PLEKHA8: variants seen among roughly 807,000 people sequenced by gnomAD.
PLEKHA8 encodes pleckstrin homology domain-containing family A member 8.
A neutral mutation model predicts 68.2 loss-of-function variants in PLEKHA8; 36 were observed. That is an observed-to-expected ratio of 0.53 (90% CI 0.40 to 0.70). PLEKHA8 has a LOEUF of 0.70. Ranked by LOEUF, PLEKHA8 falls within the 30% of genes least tolerant of loss-of-function variation. PLEKHA8 has a pLI of 0.00. For missense variants in PLEKHA8, 505 were observed against 615.4 expected (o/e 0.82, Z 1.90); for synonymous variants, 211 against 216.1 (o/e 0.98, Z 0.20).
chr7:30,079,780 G>A lies in PLEKHA8; in HGVS notation c.*993G>A. 1.3e-6 allele frequency: 1 copy of A among 792,440 alleles called. No individual in the cohort carries two copies. Among genetic ancestry groups the A allele is most frequent in the South Asian group, 5.7e-5 (1 of 17,396 alleles). The allele number at this position is 792,440 out of a possible 1,614,324, so 49.1% of individuals were successfully genotyped here. A position where few individuals can be genotyped will look rare whatever the true frequency, so the allele number is the denominator to read the frequency against. On this transcript the variant is annotated 3_prime_UTR_variant, in exon 14 of 14. Transcript: ENST00000449726. ...CCAGAGTCTAGGTGGTGGGACATAG[G>A]AATCTGCATTTCAGTAAACTTTACA...
At chr7:30,098,079 G>A (rs1425320631) in intron 13 of PLEKHA8, among the ~76,000 whole-genome samples, 2 of 152,196 alleles carry the variant, frequency 1.3e-5, no homozygotes, top group African/African-American at 4.8e-5. Context: ...GTTGGAGTTT[G>A]CTGGAGGTCC....
At chr7:30,093,000 G>A (rs1438967910), downstream of PLEKHA8, among the ~76,000 whole-genome samples, 1 of 152,166 alleles carries the variant, frequency 6.6e-6, no homozygotes, top group Non-Finnish European at 1.5e-5. Context: ...ACCAAAAGAA[G>A]CCTGATAAGT....
intron 9 of PLEKHA8, among the ~76,000 whole-genome samples, chr7:30,056,764 T>TAA (rs1169143315): frequency 3.3e-4 from 43 of 131,836 alleles, no homozygotes; most frequent in Non-Finnish European, 3.0e-4. Context: ...TGTGTGTGTG[T>TAA]GTGTGTGTGT....
intron 3 of PLEKHA8, 42 bp downstream of exon 3, chr7:30,046,407 A>G (rs746369711): frequency 3.3e-6 from 5 of 1,517,726 alleles, no homozygotes; most frequent in Non-Finnish European, 4.4e-6. Flanking sequence ...CTTGGGAATC[A>G]CCCACTGGCA....
In PLEKHA8 at chr7:30,079,466, G is replaced by A. The variant is rs576410190; in HGVS notation, c.*679G>A. On this transcript the variant is annotated 3_prime_UTR_variant, in exon 14 of 14. Transcript: ENST00000449726. The stretch of plus-strand genomic sequence containing the variant: ...CCCCAAGTTGGAGGGGAGAATATGA[G>A]AGAGGTGGGACAGGTCATTTGAGAT... 5.1e-6 allele frequency: 5 copies of A among 985,408 alleles called. No homozygotes were observed. The Admixed American group carries it at 3.1e-4, about 61-fold the overall frequency. 61.0% of individuals were successfully genotyped at this position (985,408 alleles called of 1,614,324 possible).
chr7:30,047,919 CA>C lies in PLEKHA8; in HGVS notation c.405del (p.Glu136LysfsTer2). ...CDLLVQQVDK[T>X]KEVTTTGVSN... Reference sequence around the variant, plus strand: ...CTCCTTGTTCAGCAAGTAGATAAAACAAAAGAAGTGACCACAACTGGTGTGT... The same window carrying C: ...CTCCTTGTTCAGCAAGTAGATAAAACAAAGAAGTGACCACAACTGGTGTGT... On this transcript the variant is annotated frameshift_variant, in exon 4 of 14. Transcript: ENST00000449726. LOFTEE classifies it high-confidence loss of function. 2 of 1,603,128 alleles carry C rather than the reference CA, an allele frequency of 1.2e-6. No individual in the cohort carries two copies. The highest frequency in any genetic ancestry group is 1.7e-6 in the Non-Finnish European group (2 of 1,172,280).
intron 12 of PLEKHA8, among the ~76,000 whole-genome samples, chr7:30,067,148 C>T (rs1452784671): frequency 1.3e-5 from 2 of 152,212 alleles, no homozygotes; most frequent in African/African-American, 2.4e-5. Flanking sequence ...GTCAATTTGC[C>T]TTAAGCATAG....
At chr7:30,100,230 C>G (rs901524698) in intron 13 of PLEKHA8, among the ~76,000 whole-genome samples, 1 of 152,172 alleles carries the variant, frequency 6.6e-6, no homozygotes, top group African/African-American at 2.4e-5. Flanking sequence ...AGGTCACATT[C>G]ACAGGTACCA....
At chr7:30,111,087 T>C (rs1796258943) in intron 13 of PLEKHA8, among the ~76,000 whole-genome samples, 1 of 152,066 alleles carries the variant, frequency 6.6e-6, no homozygotes, top group African/African-American at 2.4e-5. Context: ...GTATTTTTAG[T>C]AGAGACGGAG....
chr7:30,040,677 C>T (rs1032520116), intron 1 of PLEKHA8, among the ~76,000 whole-genome samples: 1 of 152,116 alleles, frequency 6.6e-6, no homozygotes, highest in African/African-American at 2.4e-5. Flanking sequence ...AAATAAATGT[C>T]AAGTATGCTT....
chr7:30,060,927 T>C lies in PLEKHA8; in HGVS notation c.1083T>C (p.Leu361=). The change falls in exon 10 of 14, where the codon CTT becomes CTC. Residue 361 remains leucine (L), a synonymous_variant. Coordinates refer to ENST00000449726, the MANE Select transcript of PLEKHA8 (RefSeq NM_001197026.2). The stretch of plus-strand genomic sequence containing the variant: ...TGTTTGCTCCTGTTAAGATGGATCT[T>C]GTTGGAAATATTAAGGTGAGCATAC... ...PTVFAPVKMD[L]VGNIKKVNQK... is the part of the protein sequence containing the mutation. 1 of 1,613,552 alleles carries C rather than the reference T, an allele frequency of 6.2e-7. No homozygotes were observed. Among genetic ancestry groups the C allele is most frequent in the Non-Finnish European group, 8.5e-7 (1 of 1,179,710 alleles).
chr7:30,080,621 C>T lies in PLEKHA8; in HGVS notation c.*1834C>T. The T allele has an allele frequency of 1.0e-6, 1 of 985,228 alleles. No homozygotes were observed. The highest frequency in any genetic ancestry group is 1.2e-6 in the Non-Finnish European group (1 of 829,834). 61.0% of individuals were successfully genotyped at this position (985,228 alleles called of 1,614,324 possible). A position where few individuals can be genotyped will look rare whatever the true frequency, so the allele number is the denominator to read the frequency against. ...CCCACATAAAGACTTCTGGAAAATA[C>T]TTAAACTTGAAAAATCAACATCACA... On this transcript the variant is annotated 3_prime_UTR_variant, in exon 14 of 14. Coordinates refer to ENST00000449726, the MANE Select transcript of PLEKHA8 (RefSeq NM_001197026.2).
downstream of PLEKHA8, among the ~76,000 whole-genome samples, chr7:30,086,798 G>T (rs1243940662): frequency 6.6e-6 from 1 of 152,190 alleles, no homozygotes; most frequent in Admixed American, 6.5e-5. Flanking sequence ...TTGTTGGTAG[G>T]TTAGAAGAGC....
At chr7:30,065,549 T>C (rs1416334623) in intron 12 of PLEKHA8, among the ~76,000 whole-genome samples, 1 of 152,184 alleles carries the variant, frequency 6.6e-6, no homozygotes, top group African/African-American at 2.4e-5. Flanking sequence ...ATGGTTCCTT[T>C]TTCTCATTTT....
chr7:30,106,170 T>C (rs1446666308), intron 13 of PLEKHA8, among the ~76,000 whole-genome samples: 2 of 152,124 alleles, frequency 1.3e-5, no homozygotes, highest in Non-Finnish European at 2.9e-5. Context: ...GAGATTCTCC[T>C]GCCTCAGCCT....
chr7:30,105,658 A>G (rs1796028535), intron 13 of PLEKHA8, among the ~76,000 whole-genome samples: 1 of 152,222 alleles, frequency 6.6e-6, no homozygotes, highest in Non-Finnish European at 1.5e-5. Flanking sequence ...GGTAACTCAC[A>G]AATGAGGAAA....
chr7:30,031,348 G>C (rs948652211), intron 1 of PLEKHA8, among the ~76,000 whole-genome samples: 5 of 152,206 alleles, frequency 3.3e-5, no homozygotes, highest in African/African-American at 1.2e-4. Flanking sequence ...AATTTAAGCA[G>C]AGTCTGAAGG....
intron 1 of PLEKHA8, among the ~76,000 whole-genome samples, chr7:30,036,412 ATAG>A (rs775172925): frequency 1.2e-4 from 1 of 8,048 alleles, no homozygotes; most frequent in African/African-American, 3.3e-4. Flanking sequence ...GATAGAATAG[ATAG>A]ATAGATAGAT....
chr7:30,097,829 C>T (rs1292798392), intron 13 of PLEKHA8, among the ~76,000 whole-genome samples: 2 of 152,194 alleles, frequency 1.3e-5, no homozygotes, highest in East Asian at 3.8e-4. Flanking sequence ...CTCAACTCGT[C>T]AAAGTCATTC....
Sources: allele counts gnomAD v4.1 joint callset (sites outside exome capture counted in the v4.1 genomes callset), GRCh38; gene constraint gnomAD v4.1.1; transcripts MANE v1.5; gene names NCBI Gene and HGNC (gene_info 2026-07-23, HGNC 2026-07-21).